Variants in TTC13 observed in about 807,000 individuals in gnomAD.
TTC13 encodes the protein tetratricopeptide repeat domain 13, also known as tetratricopeptide repeat protein 13.
Under a neutral mutation model 120.0 loss-of-function variants are expected in TTC13, and 62 were observed. That is an observed-to-expected ratio of 0.52 (90% CI 0.42 to 0.64). The LOEUF (loss-of-function observed/expected upper bound fraction) is 0.64, where lower values mean the gene tolerates loss of function less well. Ranked by LOEUF, TTC13 falls within the 30% of genes least tolerant of loss-of-function variation. The pLI is 0.00. For synonymous variants in TTC13, 384 were observed against 393.5 expected (o/e 0.98, Z 0.28); for missense variants, 824 against 1,050.2 (o/e 0.78, Z 2.98).
At chr1:230,943,180 TTA>T (rs1402738909) in intron 6 of TTC13, among the ~76,000 whole-genome samples, 1 of 152,212 alleles carries the variant, frequency 6.6e-6, no homozygotes, top group Non-Finnish European at 1.5e-5. Flanking sequence ...TCAATGAATA[TTA>T]TGTGTTATAT....
chr1:230,956,983 A>G (rs889708713), intron 3 of TTC13, among the ~76,000 whole-genome samples: 8 of 152,222 alleles, frequency 5.3e-5, no homozygotes, highest in Non-Finnish European at 8.8e-5. Flanking sequence ...CTCAGGGCCT[A>G]CACTACCCCA....
At chr1:230,927,325 G>A (rs1008380408) in intron 12 of TTC13, among the ~76,000 whole-genome samples, 1 of 152,034 alleles carries the variant, frequency 6.6e-6, no homozygotes, top group Admixed American at 6.6e-5. Flanking sequence ...CAAAGTGGTT[G>A]TAGCAACTTA....
In TTC13 at chr1:230,929,056, G is replaced by A; in HGVS notation, c.1338C>T (p.Pro446=). Residue 446 remains proline, a synonymous_variant, in exon 12 of 23, where the codon CCC becomes CCT. Transcript: ENST00000366661. ...CCACATCAATGTTATATTCCGTAAG[G>A]GGGGTATCAAGGTGTGCATGAAGAT... The part of the protein sequence containing the change: ...SRYLHAHLDT[P]LTEYNIDVDL... The A allele has an allele frequency of 6.2e-7, 1 of 1,614,120 alleles. No individual in the cohort carries two copies.
Position 230,955,528 on chromosome 1 carries a change from G to A in TTC13, c.443-1125C>T, listed in dbSNP as rs569789966. On this transcript the variant is annotated intron_variant, in intron 3 of 22. Transcript: ENST00000366661. ...TATACAAAAAAAAAAAAAATTAGCT[G>A]GGCGTGGTGGCGGGTGCCTGTAGTC... Among the ~76,000 whole-genome samples the A allele has an allele frequency of 3.8e-3, 579 of 150,444 alleles. 7 individuals are homozygous for A. Among genetic ancestry groups the A allele is most frequent in the African/African-American group, 0.013 (548 of 40,852 alleles).
chr1:230,942,473 G>A lies in TTC13; in HGVS notation c.672+1333C>T, dbSNP rs1674612546. Among the ~76,000 whole-genome samples the A allele has an allele frequency of 6.6e-6, 1 of 152,124 alleles. No individual in the cohort carries two copies. The highest frequency in any genetic ancestry group is 1.5e-5 in the Non-Finnish European group (1 of 67,996). The stretch of plus-strand genomic sequence containing the variant: ...AAACAAAAATTCACTTTAAGAGACT[G>A]AACTGTAAGACACAATAATCTTAAG... On this transcript the variant is annotated intron_variant, in intron 6 of 22. Coordinates refer to ENST00000366661, the MANE Select transcript of TTC13 (RefSeq NM_024525.5). The surrounding 1 kb of genome is among the most constrained non-coding windows in gnomAD (Gnocchi z 4.0).
At chr1:230,922,709 C>T (rs1293001318) in intron 15 of TTC13, among the ~76,000 whole-genome samples, 2 of 152,206 alleles carry the variant, frequency 1.3e-5, no homozygotes, top group African/African-American at 4.8e-5. Flanking sequence ...AGCCCTGTAG[C>T]ACCAGAAGGC....
intron 3 of TTC13, chr1:230,956,532 CTATT>C (rs898446878): frequency 7.8e-6 from 3 of 382,450 alleles, no homozygotes; most frequent in Admixed American, 8.0e-5. Flanking sequence ...TTTTTATTTC[CTATT>C]TATTATCCCA....
rs553457995 is a variant in TTC13 at position 230,920,408 on chromosome 1, G to A, written c.1983+102C>T. 6.7e-5 allele frequency: 56 copies of A among 832,738 alleles called. No homozygotes were observed. In the South Asian group the frequency reaches 7.9e-4, roughly 12 times the overall value. 51.6% of individuals were successfully genotyped at this position (832,738 alleles called of 1,614,324 possible). ...TTATTCAGAATGTGTTCATACGAGT[G>A]ATTTCAAATAGCATTTAATAATTCT... On this transcript the variant is annotated intron_variant, in intron 17 of 22. Coordinates refer to ENST00000366661, the MANE Select transcript of TTC13 (RefSeq NM_024525.5).
chr1:230,975,445 GACAAT>G (rs1678187294), intron 1 of TTC13, among the ~76,000 whole-genome samples: 1 of 152,038 alleles, frequency 6.6e-6, no homozygotes, highest in African/African-American at 2.4e-5. Context: ...GAGTGTTTAT[GACAAT>G]ATAACTAAAA....
intron 1 of TTC13, 117 bp from the exon 2 acceptor site, chr1:230,961,420 C>T (rs1203017601): frequency 2.8e-6 from 2 of 719,070 alleles, no homozygotes; most frequent in Non-Finnish European, 4.6e-6. Context: ...GTGTGAATAA[C>T]ACTAAAAGTG....
intron 1 of TTC13, among the ~76,000 whole-genome samples, chr1:230,976,282 T>A (rs937011395): frequency 6.6e-6 from 1 of 152,158 alleles, no homozygotes; most frequent in Non-Finnish European, 1.5e-5. Flanking sequence ...GGTCTCCGGA[T>A]ACAGAGCATC....
In TTC13 at chr1:230,978,799, C is replaced by T. The variant is rs746675456; in HGVS notation, c.32G>A (p.Cys11Tyr). The T allele has an allele frequency of 1.4e-6, 2 of 1,473,932 alleles. No individual in the cohort carries two copies. Among genetic ancestry groups the T allele is most frequent in the South Asian group, 1.3e-5 (1 of 77,312 alleles). The allele number at this position is 1,473,932 out of a possible 1,614,324, so 91.3% of individuals were successfully genotyped here. MAPAGCCCCC[C>Y]FWGGAVAAAG... ...GGCGGCCACAGCGCCGCCCCAGAAGCAGCAGCAGCAGCAGCAGCCGGCAGG... is the reference window on the plus strand; with the variant it reads ...GGCGGCCACAGCGCCGCCCCAGAAGTAGCAGCAGCAGCAGCAGCCGGCAGG... The change falls in exon 1 of 23, where the codon TGC (cysteine) becomes TAC (tyrosine). Residue 11 changes from cysteine (C) to tyrosine (Y), a missense_variant. By Grantham distance (194) the Cys-to-Tyr change is radical. Around this residue, in one of 4 missense-constraint regions of TTC13, gnomAD observed 160 missense variants for 137.2 expected, o/e 1.17. Coordinates refer to ENST00000366661, the MANE Select transcript of TTC13 (RefSeq NM_024525.5). The surrounding 1 kb of genome is among the most constrained non-coding windows in gnomAD (Gnocchi z 5.6).
intron 1 of TTC13, among the ~76,000 whole-genome samples, chr1:230,961,672 C>T (rs1298350603): frequency 6.6e-6 from 1 of 152,142 alleles, no homozygotes; most frequent in African/African-American, 2.4e-5. Flanking sequence ...TTCCTCACCA[C>T]CATTCTCAAA....
chr1:230,923,735 CA>C, intron 15 of TTC13, 105 bp downstream of exon 15: 3 of 918,342 alleles, frequency 3.3e-6, no homozygotes, highest in Non-Finnish European at 5.1e-6. Context: ...GTTCCCTGGT[CA>C]AAAAGTCACC....
chr1:230,931,405 A>T lies in TTC13; in HGVS notation c.1193T>A (p.Met398Lys). Residue 398 changes from methionine (M) to lysine (K), a missense_variant, in exon 11 of 23, where the codon ATG becomes AAG. This residue lies in a region of TTC13 where 430 missense variants were observed against 626.8 expected (regional missense o/e 0.69). Transcript: ENST00000366661. ...TTTTATCCCTTCATAAAACTGTCCCATGGCAACATGGCTGAGCCCTTTCAT... is the reference window on the plus strand; with the variant it reads ...TTTTATCCCTTCATAAAACTGTCCCTTGGCAACATGGCTGAGCCCTTTCAT... ...QYMKGLSHVAMGQFYEGIKAQ... is the reference protein window; with the variant it reads ...QYMKGLSHVAKGQFYEGIKAQ... 6.2e-7 allele frequency: 1 copy of T among 1,614,248 alleles called. No individual in the cohort carries two copies. Among genetic ancestry groups the T allele is most frequent in the Non-Finnish European group, 8.5e-7 (1 of 1,180,052 alleles).
chr1:230,936,042 G>A (rs989961124), intron 8 of TTC13: 11 of 374,710 alleles, frequency 2.9e-5, no homozygotes, highest in Non-Finnish European at 5.2e-5. Flanking sequence ...AAGGGCAGCT[G>A]CAGGTGGGGA....
chr1:230,956,641 T>C lies in TTC13; in HGVS notation c.442+1583A>G, dbSNP rs562064959. 4.1e-4 allele frequency: 129 copies of C among 316,524 alleles called. 2 individuals are homozygous for C. Among genetic ancestry groups the C allele is most frequent in the South Asian group, 3.0e-3 (114 of 37,674 alleles). 19.6% of individuals were successfully genotyped at this position (316,524 alleles called of 1,614,324 possible). A position where few individuals can be genotyped will look rare whatever the true frequency, so the allele number is the denominator to read the frequency against. ...ATAAATTTTGTACTTTAGGAACATA[T>C]TTAGATGGCTGTCCACATCTAAGTG... On this transcript the variant is annotated intron_variant, in intron 3 of 22. Coordinates refer to ENST00000366661, the MANE Select transcript of TTC13 (RefSeq NM_024525.5).
At position 230,978,581 on chromosome 1, in the gene TTC13, G is replaced by C; in HGVS notation, c.250C>G (p.Gln84Glu). The C allele has an allele frequency of 1.5e-6, 2 of 1,327,820 alleles. No individual in the cohort carries two copies. Among genetic ancestry groups the C allele is most frequent in the South Asian group, 2.8e-5 (2 of 72,128 alleles). The allele number at this position is 1,327,820 out of a possible 1,614,324, so 82.3% of individuals were successfully genotyped here. The change falls in exon 1 of 23, where the codon CAG becomes GAG. Residue 84 changes from glutamine to glutamate, a missense_variant. By Grantham distance (29) the Gln-to-Glu change is conservative. This residue lies in a region of TTC13 where 160 missense variants were observed against 137.2 expected (regional missense o/e 1.17). Transcript: ENST00000366661. This position sits in a 1 kb window ranked among gnomAD's most constrained non-coding sequence, Gnocchi z 5.6. The stretch of plus-strand genomic sequence containing the variant: ...TCACCGCCGCACTCGGCAGAGTACT[G>C]GTCCCCCCAGTCCCCGGACTGCGGG... ...CSPQSGDWGD[Q>E]YSAECGESSF...
At chr1:230,932,052 C>T (rs971828417) in intron 9 of TTC13, among the ~76,000 whole-genome samples, 175 bp from the exon 10 acceptor site, 1 of 152,144 alleles carries the variant, frequency 6.6e-6, no homozygotes, top group African/African-American at 2.4e-5. Flanking sequence ...CTAAATCTCA[C>T]CAGCTCATAG....
Sources: gnomAD v4.1 joint callset for allele counts (sites outside exome capture counted in the v4.1 genomes callset) on GRCh38, gnomAD v4.1.1 for gene constraint, gnomAD v4.1.1 regional missense constraint, Gnocchi (gnomAD v3.1) non-coding constraint, MANE v1.5 for transcripts, NCBI Gene and HGNC (gene_info 2026-07-23, HGNC 2026-07-21) for gene names.